The following COX7B2 variants were observed in gnomAD, a reference collection of about 807,000 sequenced individuals.
COX7B2 encodes cytochrome c oxidase subunit 7B2, also known as cytochrome c oxidase subunit 7B2, mitochondrial.
For synonymous variants in COX7B2, 37 were observed against 32.1 expected, an observed-to-expected ratio of 1.15 and a Z score of -0.51; for missense variants, 109 against 95.9, an observed-to-expected ratio of 1.14 and a Z score of -0.57.
intron 1 of COX7B2, among the ~76,000 whole-genome samples, chr4:46,894,007 A>C (rs1719600069): frequency 6.6e-6 from 1 of 152,122 alleles, no homozygotes; most frequent in South Asian, 2.1e-4. Context: ...TGCTCAAAGA[A>C]ATCAGTGAAG....
intron 1 of COX7B2, among the ~76,000 whole-genome samples, chr4:46,867,595 C>T (rs1251429517): frequency 6.6e-6 from 1 of 152,186 alleles, no homozygotes; most frequent in Non-Finnish European, 1.5e-5. Context: ...AATGAACAGC[C>T]CATACCCTGC....
At chr4:46,751,284 T>C (rs2109431554) in intron 2 of COX7B2, among the ~76,000 whole-genome samples, 1 of 152,224 alleles carries the variant, frequency 6.6e-6, no homozygotes, top group Non-Finnish European at 1.5e-5. Context: ...GTATATGTCA[T>C]ACATCATTTA....
intron 2 of COX7B2, among the ~76,000 whole-genome samples, chr4:46,822,075 C>A (rs994154844): frequency 1.3e-5 from 2 of 152,112 alleles, no homozygotes; most frequent in African/African-American, 4.8e-5. Flanking sequence ...CCACACTGGG[C>A]TAATTTTTGT....
intron 2 of COX7B2, among the ~76,000 whole-genome samples, chr4:46,805,413 T>C (rs1718946968): frequency 6.6e-6 from 1 of 152,240 alleles, no homozygotes; most frequent in Non-Finnish European, 1.5e-5. Flanking sequence ...CAAAACTACT[T>C]ATGTGTGTGT....
At chr4:46,802,945 C>T (rs920011209) in intron 2 of COX7B2, among the ~76,000 whole-genome samples, 5 of 152,044 alleles carry the variant, frequency 3.3e-5, no homozygotes, top group Non-Finnish European at 7.4e-5. Context: ...CTAATAGGTA[C>T]CTGAAGAAGT....
intron 1 of COX7B2, among the ~76,000 whole-genome samples, chr4:46,855,834 G>T (rs1716978747): frequency 6.6e-6 from 1 of 152,138 alleles, no homozygotes; most frequent in African/African-American, 2.4e-5. Context: ...TTTACAATGA[G>T]CTTCTCTGGG....
At chr4:46,900,738 G>T (rs1720031214) in intron 1 of COX7B2, among the ~76,000 whole-genome samples, 1 of 152,064 alleles carries the variant, frequency 6.6e-6, no homozygotes, top group Admixed American at 6.6e-5. Flanking sequence ...AAGCTTGTTT[G>T]TCCCTACCAC....
At chr4:46,745,819 A>G (rs1485504848) in intron 2 of COX7B2, among the ~76,000 whole-genome samples, 1 of 152,246 alleles carries the variant, frequency 6.6e-6, no homozygotes, top group Non-Finnish European at 1.5e-5. Context: ...AAATCAGAAT[A>G]CAGATTTTTG....
chr4:46,894,113 T>C (rs1289655329), intron 1 of COX7B2, among the ~76,000 whole-genome samples: 1 of 152,208 alleles, frequency 6.6e-6, no homozygotes, highest in Non-Finnish European at 1.5e-5. Flanking sequence ...GAGTCAATGC[T>C]ATTCCCATCA....
At chr4:46,867,150 G>GA (rs1374268034) in intron 1 of COX7B2, among the ~76,000 whole-genome samples, 2 of 152,140 alleles carry the variant, frequency 1.3e-5, no homozygotes, top group Non-Finnish European at 2.9e-5. Flanking sequence ...TCTGACCCAG[G>GA]AAACAGATAT....
intron 2 of COX7B2, among the ~76,000 whole-genome samples, chr4:46,764,618 C>A (rs1055971957): frequency 2.7e-5 from 4 of 150,242 alleles, no homozygotes; most frequent in African/African-American, 9.8e-5. Context: ...AAAGATAAAT[C>A]ATTGGCCAGG....
chr4:46,861,691 C>G (rs764624028), intron 1 of COX7B2, among the ~76,000 whole-genome samples: 2 of 152,144 alleles, frequency 1.3e-5, no homozygotes, highest in Non-Finnish European at 1.5e-5. Context: ...TAAGTAAAGG[C>G]CTTTATGGTC....
chr4:46,750,510 G>A (rs1715304510), intron 2 of COX7B2, among the ~76,000 whole-genome samples: 1 of 143,752 alleles, frequency 7.0e-6, no homozygotes, highest in Non-Finnish European at 1.5e-5. Context: ...CTATTAAAGA[G>A]TCCAGATATT....
At chr4:46,855,002 T>C (rs1716920361) in intron 1 of COX7B2, among the ~76,000 whole-genome samples, 1 of 152,190 alleles carries the variant, frequency 6.6e-6, no homozygotes. Flanking sequence ...TACTTTGTCA[T>C]AGAATTTTAA....
rs1718689295 is a variant in COX7B2, at chr4:46,802,158, G to A, written c.-50+42802C>T. Among the ~76,000 whole-genome samples the A allele has an allele frequency of 2.0e-5, 3 of 152,248 alleles. No individual in the cohort carries two copies. In the South Asian group the frequency reaches 6.2e-4, roughly 32 times the overall value. The stretch of plus-strand genomic sequence containing the variant: ...TCATGTGATCAAAATAATTCAAAAA[G>A]TAGTGTCTAAGGGACCAGTGCTTAG... On this transcript the variant is annotated intron_variant, in intron 2 of 2. Coordinates refer to ENST00000355591, the MANE Select transcript of COX7B2 (RefSeq NM_130902.3).
At chr4:46,827,655 G>A (rs1714787444) in intron 2 of COX7B2, among the ~76,000 whole-genome samples, 4 of 152,128 alleles carry the variant, frequency 2.6e-5, no homozygotes. Context: ...GCTAAACGAA[G>A]TTGAAAGGAC....
intron 2 of COX7B2, among the ~76,000 whole-genome samples, chr4:46,763,996 G>A (rs1365163697): frequency 6.6e-6 from 1 of 152,060 alleles, no homozygotes; most frequent in Non-Finnish European, 1.5e-5. Flanking sequence ...GGAAGAGTTT[G>A]GAATTAAAAA....
At chr4:46,898,015 T>C (rs1010614929) in intron 1 of COX7B2, among the ~76,000 whole-genome samples, 1 of 152,200 alleles carries the variant, frequency 6.6e-6, no homozygotes, top group Non-Finnish European at 1.5e-5. Flanking sequence ...AGCCTAATTT[T>C]TGGCCTTATA....
At chr4:46,759,851 CATATCTT>C (rs1208188097) in intron 2 of COX7B2, among the ~76,000 whole-genome samples, 1 of 148,504 alleles carries the variant, frequency 6.7e-6, no homozygotes, top group Non-Finnish European at 1.5e-5. Context: ...TTATATAAGT[CATATCTT>C]ATATAAGTTA....
Sources: allele counts gnomAD v4.1 joint callset (sites outside exome capture counted in the v4.1 genomes callset), GRCh38; gene constraint gnomAD v4.1.1; transcripts MANE v1.5; gene names NCBI Gene and HGNC (gene_info 2026-07-23, HGNC 2026-07-21).